PPP2R3B: variants seen among roughly 807,000 people sequenced by gnomAD.
PPP2R3B encodes the protein protein phosphatase 2 regulatory subunit B''beta, also known as serine/threonine-protein phosphatase 2A regulatory subunit B'' subunit beta.
A neutral mutation model predicts 72.9 loss-of-function variants in PPP2R3B; 68 were observed. The observed-to-expected ratio is 0.93, with a 90% CI of 0.77 to 1.14. The LOEUF (loss-of-function observed/expected upper bound fraction) is 1.14. Among genes scored for constraint, PPP2R3B ranks in the 50% most tolerant of loss-of-function variants. The probability of loss-of-function intolerance (pLI) is 0.00; values close to 1 mark genes in which losing one functional copy is unlikely to be tolerated. For missense variants in PPP2R3B, 1,018 were observed against 842.0 expected (o/e 1.21, Z -2.59); for synonymous variants, 466 against 375.8 (o/e 1.24, Z -2.78).
chrX:338,561 T>TC (rs200028883), intron 12 of PPP2R3B, 43 bp downstream of exon 12: 7 of 1,305,148 alleles, frequency 5.4e-6, no homozygotes, highest in Middle Eastern at 5.7e-4. Context: ...TCACCCGTCC[T>TC]CCCACTGACC....
At chrX:369,620 G>A (rs952829569) in intron 1 of PPP2R3B, among the ~76,000 whole-genome samples, 9 of 152,230 alleles carry the variant, frequency 5.9e-5, no homozygotes, top group Non-Finnish European at 1.0e-4. Flanking sequence ...CAGGCCACGT[G>A]CACCGTGACA....
At chrX:385,320 CTTTTTTTTTTTTTTT>C (rs1178231888) in intron 1 of PPP2R3B, among the ~76,000 whole-genome samples, 8 of 75,604 alleles carry the variant, frequency 1.1e-4, no homozygotes, top group Admixed American at 2.0e-4. Flanking sequence ...TTTTAGTTTT[CTTTTTTTTTTTTTTT>C]TTTTTTTTTT....
intron 1 of PPP2R3B, among the ~76,000 whole-genome samples, chrX:375,312 T>C (rs1046110198): frequency 2.0e-5 from 3 of 152,370 alleles, no homozygotes; most frequent in Middle Eastern, 3.4e-3. Flanking sequence ...TAACCCACGA[T>C]GCGGGGCGCA....
rs1003336211 is a variant in PPP2R3B, at chrX:386,858, G to C, written c.-167C>G. 2 of 250,458 alleles carry C rather than the reference G, an allele frequency of 8.0e-6. No individual in the cohort carries two copies. The highest frequency in any genetic ancestry group is 4.6e-5 in the African/African-American group (2 of 43,550). 15.5% of individuals were successfully genotyped at this position (250,458 alleles called of 1,614,324 possible). On this transcript the variant is annotated 5_prime_UTR_variant, in exon 1 of 13. Transcript: ENST00000390665. ...GGAACTGCGCGGACTCGCGGGGCGCGGGGACCGAGGAGGGGGCGCGGTCCG... is the reference window on the plus strand; with the variant it reads ...GGAACTGCGCGGACTCGCGGGGCGCCGGGACCGAGGAGGGGGCGCGGTCCG...
chrX:363,556 GTGCATCTCCATGAGTCCACGATCCCACAA>G lies in PPP2R3B; in HGVS notation c.325-1995_325-1967del, dbSNP rs1569404026. 0.022 allele frequency among the ~76,000 whole-genome samples: 289 copies of G among 13,142 alleles called. 3 individuals carry two copies. In the Middle Eastern group the frequency reaches 0.38, roughly 17 times the overall value. The allele number at this position is 13,142 out of a possible 152,430, so 8.6% of individuals were successfully genotyped here. A position where few individuals can be genotyped will look rare whatever the true frequency, so the allele number is the denominator to read the frequency against. ...ATCTCCCCGAGCCCGCGATCCCGCA[GTGCATCTCCATGAGTCCACGATCCCACAA>G]TGCATCTCCCCGTGCCCGCAATCCC... On this transcript the variant is annotated intron_variant, in intron 1 of 12. Coordinates refer to ENST00000390665, the MANE Select transcript of PPP2R3B (RefSeq NM_013239.5).
chrX:349,826 C>G (rs933478282), intron 2 of PPP2R3B, among the ~76,000 whole-genome samples: 5 of 152,156 alleles, frequency 3.3e-5, no homozygotes, highest in African/African-American at 1.2e-4. Context: ...CTGCAGGGCA[C>G]GGCTGGGTGA....
chrX:338,950 C>T, intron 10 of PPP2R3B, 54 bp from the exon 11 acceptor site: 1 of 1,488,126 alleles, frequency 6.7e-7, no homozygotes, highest in Non-Finnish European at 9.4e-7. Flanking sequence ...ACCTTCGGGG[C>T]CTGGGTGTGG....
chrX:345,325 GGACCCAGACAC>G, intron 7 of PPP2R3B, 180 bp downstream of exon 7: 2 of 835,080 alleles, frequency 2.4e-6, no homozygotes, highest in African/African-American at 3.4e-5. Context: ...GCGCACGCGG[GGACCCAGACAC>G]GGGGCAGCGA....
intron 1 of PPP2R3B, among the ~76,000 whole-genome samples, chrX:368,034 T>G (rs1022660447): frequency 8.5e-5 from 13 of 152,218 alleles, no homozygotes; most frequent in African/African-American, 3.1e-4. Context: ...CAACGCAGCC[T>G]CGGCACTGAT....
At chrX:341,704 G>C (rs929981405) in intron 8 of PPP2R3B, 179 bp downstream of exon 8, 2 of 746,560 alleles carry the variant, frequency 2.7e-6, no homozygotes, top group Non-Finnish European at 4.5e-6. Flanking sequence ...TGACAGTCTT[G>C]TGCCACCCCC....
In PPP2R3B at chrX:366,058, C is replaced by G. The variant is rs1569407884; in HGVS notation, c.325-4468G>C. Among the ~76,000 whole-genome samples, 2 of 2,746 alleles carry G rather than the reference C, an allele frequency of 7.3e-4. 1 individual carries two copies. The allele number at this position is 2,746 out of a possible 152,430, so 1.8% of individuals were successfully genotyped here. ...GTCTCAAAACAAAACAAACGATTAA[C>G]CAGGTGTGGTGGCACATGCCTGTAA... On this transcript the variant is annotated intron_variant, in intron 1 of 12. Coordinates refer to ENST00000390665, the MANE Select transcript of PPP2R3B (RefSeq NM_013239.5).
At chrX:358,406 G>A (rs758367807) in intron 2 of PPP2R3B, among the ~76,000 whole-genome samples, 1 of 92,200 alleles carries the variant, frequency 1.1e-5, no homozygotes, top group Non-Finnish European at 2.5e-5. Flanking sequence ...CGAGCACCAT[G>A]CTCTCCGCCT....
At chrX:355,394 T>C (rs61655258) in intron 2 of PPP2R3B, among the ~76,000 whole-genome samples, 3,635 of 152,226 alleles carry the variant, frequency 0.024, 161 homozygotes, top group African/African-American at 0.084. Context: ...GACGGAAGCC[T>C]CAATATGGTC....
intron 2 of PPP2R3B, among the ~76,000 whole-genome samples, chrX:354,261 A>G (rs866540407): frequency 1.3e-5 from 2 of 148,152 alleles, no homozygotes; most frequent in South Asian, 2.1e-4. Context: ...GGCTCACCCA[A>G]ACACCAGGGG....
At chrX:362,586 C>T (rs139732345) in intron 1 of PPP2R3B, among the ~76,000 whole-genome samples, 1,564 of 151,744 alleles carry the variant, frequency 0.01, 33 homozygotes, top group African/African-American at 0.036. Context: ...AATGGGGCTG[C>T]GTCCTCCTCC....
Position 340,887 on chromosome X carries a change from A to T in PPP2R3B, c.1229T>A (p.Met410Lys). Residue 410 changes from methionine to lysine, a missense_variant, in exon 10 of 13, where the codon ATG becomes AAG. Met to Lys is a moderately conservative substitution (Grantham distance 95). Coordinates refer to ENST00000390665, the MANE Select transcript of PPP2R3B (RefSeq NM_013239.5). ...MDLDGDGALS[M>K]FELEYFYEEQ... ...CTCGTAGAAGTACTCGAGCTCGAACATGGACAGGGCGCCGTCCCCGTCCAG... is the reference window on the plus strand; with the variant it reads ...CTCGTAGAAGTACTCGAGCTCGAACTTGGACAGGGCGCCGTCCCCGTCCAG... The T allele has an allele frequency of 6.2e-7, 1 of 1,611,840 alleles. No individual in the cohort carries two copies. The highest frequency in any genetic ancestry group is 8.5e-7 in the Non-Finnish European group (1 of 1,179,632).
intron 1 of PPP2R3B, among the ~76,000 whole-genome samples, chrX:380,161 T>C (rs1271345644): frequency 6.6e-6 from 1 of 152,118 alleles, no homozygotes; most frequent in Non-Finnish European, 1.5e-5. Flanking sequence ...ATTTGACACC[T>C]TGTGGTATGC....
At chrX:354,703 C>T (rs1295133279) in intron 2 of PPP2R3B, among the ~76,000 whole-genome samples, 1 of 152,126 alleles carries the variant, frequency 6.6e-6, no homozygotes, top group African/African-American at 2.4e-5. Context: ...AAGAAAAAAT[C>T]AGCCAGGTGT....
intron 5 of PPP2R3B, 61 bp downstream of exon 5, chrX:346,640 G>A (rs2071221311): frequency 3.3e-6 from 5 of 1,495,692 alleles, no homozygotes; most frequent in East Asian, 2.4e-5. Context: ...CCCCGCGGCG[G>A]CCGCTGCAGA....
Sources: allele counts gnomAD v4.1 joint callset (sites outside exome capture counted in the v4.1 genomes callset), GRCh38; gene constraint gnomAD v4.1.1; transcripts MANE v1.5; gene names NCBI Gene and HGNC (gene_info 2026-07-23, HGNC 2026-07-21).